Variants in CEP83 observed in about 807,000 individuals in gnomAD.
The protein encoded by CEP83 is centrosomal protein of 83 kDa.
In CEP83, 70 loss-of-function variants were observed where a neutral mutation model predicts 101.9. The ratio of observed to expected loss-of-function variants is 0.69; its 90% CI spans 0.57 to 0.84. The LOEUF (loss-of-function observed/expected upper bound fraction) is 0.84. Ranked by LOEUF, CEP83 falls within the 40% of genes least tolerant of loss-of-function variation. The probability of loss-of-function intolerance (pLI) is 0.00; values close to 1 mark genes in which losing one functional copy is unlikely to be tolerated. For missense variants in CEP83, 715 were observed against 787.2 expected, an observed-to-expected ratio of 0.91 and a Z score of 1.10; for synonymous variants, 264 against 267.9, an observed-to-expected ratio of 0.99 and a Z score of 0.14.
intron 2 of CEP83, among the ~76,000 whole-genome samples, chr12:94,418,025 T>C (rs536797736): frequency 3.3e-5 from 5 of 151,818 alleles, no homozygotes; most frequent in South Asian, 4.1e-4. Flanking sequence ...AATACAAGTC[T>C]CAGAAAAGAA....
intron 6 of CEP83, among the ~76,000 whole-genome samples, chr12:94,390,560 G>A (rs577349529): frequency 2.0e-5 from 3 of 152,266 alleles, no homozygotes; most frequent in South Asian, 2.1e-4. Flanking sequence ...AAATCAAAGC[G>A]CCTCTTCTCC....
chr12:94,448,719 A>G (rs2066989037), intron 1 of CEP83, among the ~76,000 whole-genome samples: 1 of 152,194 alleles, frequency 6.6e-6, no homozygotes, highest in African/African-American at 2.4e-5. Flanking sequence ...ATTTTAAAAT[A>G]TATTTCGAAT....
chr12:94,340,259 A>G (rs1035370843), intron 11 of CEP83, among the ~76,000 whole-genome samples: 2 of 152,146 alleles, frequency 1.3e-5, no homozygotes, highest in African/African-American at 2.4e-5. Context: ...GGTTATTGCT[A>G]TTCCCCTTGG....
intron 8 of CEP83, among the ~76,000 whole-genome samples, chr12:94,370,255 G>A (rs891301596): frequency 2.6e-5 from 4 of 152,170 alleles, no homozygotes; most frequent in Non-Finnish European, 4.4e-5. Flanking sequence ...ATTTCTTTAC[G>A]AATATCTGTG....
At chr12:94,387,784 C>G (rs530928325) in intron 6 of CEP83, among the ~76,000 whole-genome samples, 1 of 152,104 alleles carries the variant, frequency 6.6e-6, no homozygotes, top group Non-Finnish European at 1.5e-5. Flanking sequence ...TAAACAGACA[C>G]TTCTCAAAAG....
intron 14 of CEP83, among the ~76,000 whole-genome samples, chr12:94,329,013 T>C (rs1447726460): frequency 6.6e-6 from 1 of 152,244 alleles, no homozygotes; most frequent in African/African-American, 2.4e-5. Context: ...CTATTTTAAT[T>C]GATGTAAACT....
intron 6 of CEP83, among the ~76,000 whole-genome samples, chr12:94,380,983 T>C (rs555373784): frequency 2.0e-4 from 31 of 152,320 alleles, no homozygotes; most frequent in African/African-American, 7.5e-4. Flanking sequence ...ACCAGACATA[T>C]CAAATCATTC....
intron 14 of CEP83, among the ~76,000 whole-genome samples, chr12:94,330,911 A>C (rs1268237533): frequency 6.6e-6 from 1 of 152,224 alleles, no homozygotes; most frequent in African/African-American, 2.4e-5. Flanking sequence ...TATTTCTGCA[A>C]GGTTGACAGC....
chr12:94,418,747 G>A (rs371792293), intron 2 of CEP83, among the ~76,000 whole-genome samples: 8 of 152,104 alleles, frequency 5.3e-5, no homozygotes, highest in African/African-American at 9.7e-5. Context: ...TAGTTGTTAC[G>A]CAATGCTGTG....
the CEP83 span, among the ~76,000 whole-genome samples, chr12:94,273,923 G>A: frequency 2.0e-5 from 3 of 151,998 alleles, no homozygotes; most frequent in Non-Finnish European, 4.4e-5. Flanking sequence ...ACATTCCGTG[G>A]TGTCAGAGCT....
chr12:94,397,837 C>T (rs1224376380), intron 6 of CEP83, among the ~76,000 whole-genome samples: 1 of 152,188 alleles, frequency 6.6e-6, no homozygotes, highest in Non-Finnish European at 1.5e-5. Flanking sequence ...TCCTTTAAGT[C>T]TATCATAATT....
chr12:94,299,785 C>T, the CEP83 span, among the ~76,000 whole-genome samples: 1 of 152,142 alleles, frequency 6.6e-6, no homozygotes, highest in Non-Finnish European at 1.5e-5. Context: ...GTCTCAAACT[C>T]CTGGACTCAA....
chr12:94,306,781 T>C (rs1441147418), downstream of CEP83: 1 of 152,220 alleles, frequency 6.6e-6, no homozygotes, highest in African/African-American at 2.4e-5. Context: ...ATGAGAGAGG[T>C]GACACCTCAA....
intron 2 of CEP83, among the ~76,000 whole-genome samples, chr12:94,419,163 G>C (rs1198126175): frequency 6.6e-6 from 1 of 151,870 alleles, no homozygotes; most frequent in Non-Finnish European, 1.5e-5. Context: ...TTGGCAGATA[G>C]AGCAATATAC....
upstream of CEP83, chr12:94,460,040 A>T (rs1343074123): frequency 6.6e-6 from 1 of 152,314 alleles, no homozygotes; most frequent in Non-Finnish European, 1.5e-5. Flanking sequence ...CGGAGCCGTT[A>T]GAGGGAGGAG....
At chr12:94,439,036 A>G (rs1054347294) in intron 1 of CEP83, among the ~76,000 whole-genome samples, 6 of 152,216 alleles carry the variant, frequency 3.9e-5, no homozygotes, top group Admixed American at 6.5e-5. Flanking sequence ...TGCTAAGAGG[A>G]AAGTTCATAG....
At chr12:94,346,333 G>C (rs75787186) in intron 11 of CEP83, among the ~76,000 whole-genome samples, 1 of 151,730 alleles carries the variant, frequency 6.6e-6, no homozygotes, top group African/African-American at 2.4e-5. Flanking sequence ...GATTATAGGC[G>C]TGGGCCACCG....
the CEP83 span, among the ~76,000 whole-genome samples, chr12:94,296,660 T>G: frequency 6.6e-6 from 1 of 152,374 alleles, no homozygotes; most frequent in African/African-American, 2.4e-5. Flanking sequence ...CCTAGCTGAC[T>G]CTATCTCTTC....
At chr12:94,426,784 T>C (rs1369623742) in intron 2 of CEP83, among the ~76,000 whole-genome samples, 1 of 151,112 alleles carries the variant, frequency 6.6e-6, no homozygotes, top group East Asian at 1.9e-4. Flanking sequence ...GAGAGGGAGT[T>C]TGAGACTGAA....
Sources: allele counts gnomAD v4.1 joint callset (sites outside exome capture counted in the v4.1 genomes callset), GRCh38; gene constraint gnomAD v4.1.1; transcripts MANE v1.5; gene names NCBI Gene and HGNC (gene_info 2026-07-23, HGNC 2026-07-21).